The following INSC variants were observed in gnomAD, a reference collection of about 807,000 sequenced individuals.
INSC encodes the protein protein inscuteable homolog.
A neutral mutation model predicts 58.6 loss-of-function variants in INSC; 67 were observed. The ratio of observed to expected loss-of-function variants is 1.14; its 90% CI spans 0.94 to 1.40. The LOEUF (loss-of-function observed/expected upper bound fraction) is 1.40, where lower values mean the gene tolerates loss of function less well. Among genes scored for constraint, INSC ranks in the 40% most tolerant of loss-of-function variants. INSC has a pLI of 0.00. For synonymous variants in INSC, 262 were observed against 276.1 expected (o/e 0.95, Z 0.51); for missense variants, 714 against 692.0 (o/e 1.03, Z -0.36).
chr11:15,196,231 G>T (rs968012199), intron 6 of INSC, among the ~76,000 whole-genome samples: 2 of 152,186 alleles, frequency 1.3e-5, no homozygotes, highest in African/African-American at 2.4e-5. Context: ...ACTATTTATT[G>T]GTGGCTTCCT....
chr11:15,208,398 T>G (rs1850890744), intron 7 of INSC, among the ~76,000 whole-genome samples: 1 of 152,172 alleles, frequency 6.6e-6, no homozygotes, highest in Non-Finnish European at 1.5e-5. Context: ...GCTGGCACTG[T>G]CATTGTCACT....
chr11:15,236,055 CAAA>C (rs66649068), intron 10 of INSC, among the ~76,000 whole-genome samples: 50,725 of 97,710 alleles, frequency 0.52, 10,858 homozygotes, highest in East Asian at 0.73. Flanking sequence ...GACTCTGTCT[CAAA>C]AAAAAAAAAA....
chr11:15,142,803 T>C (rs767413333), intron 1 of INSC, among the ~76,000 whole-genome samples: 4 of 152,062 alleles, frequency 2.6e-5, no homozygotes, highest in African/African-American at 9.7e-5. Context: ...TTCTTTTTTT[T>C]TTTGTTTTTT....
At chr11:15,150,363 G>T (rs1392030834) in intron 2 of INSC, among the ~76,000 whole-genome samples, 2 of 152,198 alleles carry the variant, frequency 1.3e-5, no homozygotes, top group African/African-American at 4.8e-5. Context: ...AGCTGCCAAG[G>T]CCTCTCTTGT....
chr11:15,256,277 T>A, the INSC span, among the ~76,000 whole-genome samples: 27 of 152,344 alleles, frequency 1.8e-4, no homozygotes, highest in Non-Finnish European at 3.8e-4. Flanking sequence ...ATGCTAATTT[T>A]CAATGGTTTT....
downstream of INSC, among the ~76,000 whole-genome samples, chr11:15,247,733 G>GTGTATATATATATATATATA (rs1852605032): frequency 3.1e-5 from 4 of 127,458 alleles, no homozygotes; most frequent in Admixed American, 7.8e-5. Context: ...TAGAAATAAG[G>GTGTATATATATATATATATA]TATATATATA....
chr11:15,268,823 G>A, the INSC span, among the ~76,000 whole-genome samples: 1 of 152,060 alleles, frequency 6.6e-6, no homozygotes, highest in African/African-American at 2.4e-5. Flanking sequence ...ATCCTTAGCA[G>A]TGGTCATAAA....
At chr11:15,173,195 T>C (rs1025865687) in intron 2 of INSC, among the ~76,000 whole-genome samples, 1 of 152,146 alleles carries the variant, frequency 6.6e-6, no homozygotes, top group Non-Finnish European at 1.5e-5. Flanking sequence ...GGAAAGAGTG[T>C]TTTAGGATTC....
rs182523718 is a variant in INSC at position 15,127,487 on chromosome 11, G to A, written c.-46+12484G>A. ...TGCCAACCTAGGCACCAGGGTTCGC[G>A]TCAATGCTGGATGAGTAATTGGTTC... On this transcript the variant is annotated intron_variant, in intron 1 of 12. Coordinates refer to ENST00000379556, the MANE Select transcript of INSC (RefSeq NM_001042536.3). Among the ~76,000 whole-genome samples the A allele has an allele frequency of 4.6e-5, 7 of 152,182 alleles. No homozygotes were observed. In the East Asian group the frequency reaches 5.8e-4, roughly 13 times the overall value.
downstream of INSC, among the ~76,000 whole-genome samples, chr11:15,249,500 C>T (rs1483667504): frequency 2.0e-5 from 3 of 152,056 alleles, no homozygotes; most frequent in Non-Finnish European, 4.4e-5. Flanking sequence ...AGATTGTGTC[C>T]CGGGCCTCAA....
At chr11:15,244,264 T>C (rs11023484) in intron 12 of INSC, among the ~76,000 whole-genome samples, 4,785 of 152,188 alleles carry the variant, frequency 0.031, 96 homozygotes, top group Non-Finnish European at 0.041. Flanking sequence ...CCCTTGTTAG[T>C]CTATGGGGTA....
At chr11:15,264,472 G>C in the INSC span, among the ~76,000 whole-genome samples, 1 of 145,104 alleles carries the variant, frequency 6.9e-6, no homozygotes, top group Non-Finnish European at 1.5e-5. Flanking sequence ...ATTCCTTGCA[G>C]CTGTAAGACT....
chr11:15,115,910 G>A (rs903376534), intron 1 of INSC, among the ~76,000 whole-genome samples: 5 of 152,148 alleles, frequency 3.3e-5, no homozygotes, highest in Admixed American at 1.3e-4. Context: ...ACCCTCAGCC[G>A]CTAGCCTCCT....
At chr11:15,175,680 T>C in intron 2 of INSC, 61 bp from the exon 3 acceptor site, 1 of 1,348,164 alleles carries the variant, frequency 7.4e-7, no homozygotes, top group Non-Finnish European at 1.0e-6. Context: ...TGGCCTAGAA[T>C]TGAGACCTTT....
intron 6 of INSC, among the ~76,000 whole-genome samples, chr11:15,193,767 T>C (rs2133867630): frequency 6.6e-6 from 1 of 152,364 alleles, no homozygotes; most frequent in Middle Eastern, 3.4e-3. Context: ...TGTATGTGTC[T>C]TTATAGTAGC....
chr11:15,112,549 G>A, upstream of INSC: 1 of 1,604,420 alleles, frequency 6.2e-7, no homozygotes, highest in Non-Finnish European at 8.5e-7. Context: ...CAGGAGTCCA[G>A]GAGGCTGTGC....
intron 4 of INSC, among the ~76,000 whole-genome samples, chr11:15,177,522 C>T (rs971227343): frequency 2.6e-5 from 4 of 152,266 alleles, no homozygotes; most frequent in East Asian, 1.9e-4. Flanking sequence ...CCCTTACACA[C>T]GCACATACAC....
At chr11:15,159,536 C>T (rs1848941210) in intron 2 of INSC, among the ~76,000 whole-genome samples, 1 of 152,188 alleles carries the variant, frequency 6.6e-6, no homozygotes, top group Non-Finnish European at 1.5e-5. Context: ...ATGGGAATAG[C>T]TGGATGTGTG....
rs1268965855 is a variant in INSC, at chr11:15,175,773, G to T, written c.89G>T (p.Arg30Leu). The stretch of plus-strand genomic sequence containing the variant: ...CTGATGCAGGTGGACTCAGTCCAGC[G>T]CTGGATGGAAGATCTGAAGCTCATG... Reference protein sequence around the residue: ...LHLMQVDSVQRWMEDLKLMTE... With the variant: ...LHLMQVDSVQLWMEDLKLMTE... The change falls in exon 3 of 13, where the codon CGC becomes CTC. Residue 30 changes from arginine (R) to leucine (L), a missense_variant. Arg to Leu is a moderately radical substitution (Grantham distance 102, BLOSUM62 -2). Coordinates refer to ENST00000379556, the MANE Select transcript of INSC (RefSeq NM_001042536.3). 1 of 1,591,834 alleles carries T rather than the reference G, an allele frequency of 6.3e-7. No individual in the cohort carries two copies. Among genetic ancestry groups the T allele is most frequent in the Middle Eastern group, 1.7e-4 (1 of 5,996 alleles).
Sources: gnomAD v4.1 joint callset for allele counts (sites outside exome capture counted in the v4.1 genomes callset) on GRCh38, gnomAD v4.1.1 for gene constraint, MANE v1.5 for transcripts, NCBI Gene and HGNC (gene_info 2026-07-23, HGNC 2026-07-21) for gene names.